Variants in LRIG1 observed in about 807,000 individuals in gnomAD.
LRIG1 encodes the protein leucine-rich repeats and immunoglobulin-like domains protein 1.
A neutral mutation model predicts 99.2 loss-of-function variants in LRIG1; 48 were observed. The observed-to-expected ratio is 0.48, with a 90% CI of 0.38 to 0.62. LRIG1 has a LOEUF of 0.62. LRIG1 is among the 20% of genes least tolerant of loss of function. LRIG1 has a pLI of 0.00. For synonymous variants in LRIG1, 772 were observed against 596.1 expected (o/e 1.29, Z -4.30); for missense variants, 1,646 against 1,434.4 (o/e 1.15, Z -2.38).
chr3:66,462,597 C>A (rs1366546098), intron 1 of LRIG1, 88 bp from the exon 2 acceptor site: 4 of 876,818 alleles, frequency 4.6e-6, no homozygotes, highest in South Asian at 1.4e-5. Flanking sequence ...CTGGCTCCCC[C>A]ACCCTCAAAT....
intron 3 of LRIG1, among the ~76,000 whole-genome samples, chr3:66,437,064 A>AT (rs1376150401): frequency 6.6e-6 from 1 of 152,050 alleles, no homozygotes; most frequent in African/African-American, 2.4e-5. Context: ...GCACTCCTTA[A>AT]TGTCATCTTT....
chr3:66,383,355 C>A lies in LRIG1; in HGVS notation c.2118G>T (p.Val706=), dbSNP rs1258400465. 1.3e-6 allele frequency: 2 copies of A among 1,585,072 alleles called. No individual in the cohort carries two copies. Among genetic ancestry groups the A allele is most frequent in the Admixed American group, 1.7e-5 (1 of 59,050 alleles). ...VVPLEDRVVS[V]GETVALQCKA... is the part of the protein sequence containing the mutation. Reference sequence around the variant, plus strand: ...TGCATTGGAGGGCCACTGTTTCTCCCACAGATACCACACGGTCTTCCAAGG... The same window carrying A: ...TGCATTGGAGGGCCACTGTTTCTCCAACAGATACCACACGGTCTTCCAAGG... Residue 706 remains valine (V), a synonymous_variant, in exon 15 of 19, where the codon GTG becomes GTT. Coordinates refer to ENST00000273261, the MANE Select transcript of LRIG1 (RefSeq NM_015541.3).
chr3:66,432,272 C>T (rs971667918), intron 3 of LRIG1, among the ~76,000 whole-genome samples: 10 of 152,184 alleles, frequency 6.6e-5, no homozygotes, highest in Non-Finnish European at 1.5e-4. Flanking sequence ...CTTCAAAGGG[C>T]CTTTGTAGCC....
chr3:66,403,305 A>C (rs2107995559), intron 9 of LRIG1, among the ~76,000 whole-genome samples: 1 of 152,302 alleles, frequency 6.6e-6, no homozygotes, highest in South Asian at 2.1e-4. Flanking sequence ...CACTTAAATA[A>C]GTGATTGCAT....
rs55651719 is a variant in LRIG1 at position 66,408,913 on chromosome 3, A to AGTGTGTGTGTGTGT, written c.935+1202_935+1215dup. Among the ~76,000 whole-genome samples the AGTGTGTGTGTGTGT allele has an allele frequency of 6.4e-3, 222 of 34,910 alleles. 16 individuals carry two copies. The highest frequency in any genetic ancestry group is 0.045 in the East Asian group (31 of 694). 22.9% of individuals were successfully genotyped at this position (34,910 alleles called of 152,430 possible). A position where few individuals can be genotyped will look rare whatever the true frequency, so the allele number is the denominator to read the frequency against. ...GTCACCAAAATATAAACTCCAAGTC[A>AGTGTGTGTGTGTGT]GTGTGTGTGTGTGTGTGTGTGTGTG... On this transcript the variant is annotated intron_variant, in intron 7 of 18. Transcript: ENST00000273261.
At position 66,380,022 on chromosome 3, in the gene LRIG1, T is replaced by A; in HGVS notation, c.*241A>T. ...ATTAAAATAGCCTCTGTAAAAGATATATATGAAATCTCTGAAAACTCTTAT... is the reference window on the plus strand; with the variant it reads ...ATTAAAATAGCCTCTGTAAAAGATAAATATGAAATCTCTGAAAACTCTTAT... On this transcript the variant is annotated 3_prime_UTR_variant, in exon 19 of 19. Transcript: ENST00000273261. 1 of 360,630 alleles carries A rather than the reference T, an allele frequency of 2.8e-6. No individual in the cohort carries two copies. Among genetic ancestry groups the A allele is most frequent in the Non-Finnish European group, 5.0e-6 (1 of 199,840 alleles). 22.3% of individuals were successfully genotyped at this position (360,630 alleles called of 1,614,324 possible).
Position 66,383,104 on chromosome 3 carries a change from C to G in LRIG1, c.2369G>C (p.Gly790Ala), listed in dbSNP as rs993398670. 6.2e-6 allele frequency: 10 copies of G among 1,614,112 alleles called. No homozygotes were observed. In the African/African-American group the frequency reaches 1.2e-4, roughly 19 times the overall value. The change falls in exon 15 of 19, where the codon GGG becomes GCG. Residue 790 changes from glycine (G) to alanine (A), a missense_variant. Transcript: ENST00000273261. Reference protein sequence around the residue: ...VLPAAGCRKDGTTVGIFTIAV... With the variant: ...VLPAAGCRKDATTVGIFTIAV... ...AATGGTGAAGATGCCTACCGTGGTC[C>G]CATCCTTCCTGCAGCCTGCTGCGGG...
At chr3:66,444,914 T>C (rs1384790410) in intron 3 of LRIG1, among the ~76,000 whole-genome samples, 2 of 151,570 alleles carry the variant, frequency 1.3e-5, no homozygotes, top group Non-Finnish European at 2.9e-5. Context: ...TATCTATCTA[T>C]ATACATATAT....
At chr3:66,406,489 A>G (rs1702273856) in intron 8 of LRIG1, 1 of 911,104 alleles carries the variant, frequency 1.1e-6, no homozygotes, top group African/African-American at 1.8e-5. Context: ...ATGGCTCCAC[A>G]TTAAAGCCGG....
At chr3:66,493,241 A>G (rs957243949) in intron 1 of LRIG1, among the ~76,000 whole-genome samples, 2 of 152,184 alleles carry the variant, frequency 1.3e-5, no homozygotes, top group African/African-American at 2.4e-5. Context: ...CTCAGTTTCA[A>G]TGAAACCCTG....
intron 6 of LRIG1, among the ~76,000 whole-genome samples, chr3:66,412,114 C>CA (rs1181039396): frequency 1.1e-4 from 16 of 152,266 alleles, no homozygotes. Context: ...ACCGTGCAGG[C>CA]AAGCCCCTTC....
intron 16 of LRIG1, 88 bp from the exon 17 acceptor site, chr3:66,381,719 C>T (rs145273719): frequency 3.5e-6 from 5 of 1,448,370 alleles, no homozygotes; most frequent in East Asian, 2.3e-5. Context: ...GCCGCTAGAA[C>T]AGTCATTTTT....
At chr3:66,417,603 C>G (rs1352317201) in intron 3 of LRIG1, 11 of 244,792 alleles carry the variant, frequency 4.5e-5, no homozygotes, top group East Asian at 2.1e-4. Context: ...GTGCCCTGTC[C>G]TGTGCAGCCA....
chr3:66,448,843 A>G (rs998820538), intron 3 of LRIG1, among the ~76,000 whole-genome samples: 14 of 152,194 alleles, frequency 9.2e-5, no homozygotes, highest in African/African-American at 3.1e-4. Flanking sequence ...ACTATTAACT[A>G]CCACATTTTC....
chr3:66,434,769 A>C (rs1271855993), intron 3 of LRIG1, among the ~76,000 whole-genome samples: 1 of 151,668 alleles, frequency 6.6e-6, no homozygotes, highest in Non-Finnish European at 1.5e-5. Flanking sequence ...AAAAAAAAAA[A>C]AAAAACACAC....
chr3:66,454,774 C>T (rs1401677941), intron 2 of LRIG1, among the ~76,000 whole-genome samples: 1 of 152,166 alleles, frequency 6.6e-6, no homozygotes, highest in African/African-American at 2.4e-5. Flanking sequence ...CAGCTTGGAC[C>T]TTCTGGTCCC....
At chr3:66,473,798 A>G (rs556791175) in intron 1 of LRIG1, among the ~76,000 whole-genome samples, 2 of 152,366 alleles carry the variant, frequency 1.3e-5, no homozygotes, top group African/African-American at 4.8e-5. Flanking sequence ...CGTCTGGCCC[A>G]CAGTGAAGTC....
intron 3 of LRIG1, among the ~76,000 whole-genome samples, chr3:66,446,723 T>G (rs1248182275): frequency 6.6e-6 from 1 of 152,062 alleles, no homozygotes; most frequent in African/African-American, 2.4e-5. Context: ...CCCTTTCATT[T>G]AATCACTTCT....
intron 3 of LRIG1, among the ~76,000 whole-genome samples, chr3:66,418,215 C>T (rs1348575080): frequency 6.6e-6 from 1 of 152,164 alleles, no homozygotes; most frequent in Non-Finnish European, 1.5e-5. Context: ...CCTCAGCCTC[C>T]CAGATCGCTG....
Sources: allele counts gnomAD v4.1 joint callset (sites outside exome capture counted in the v4.1 genomes callset), GRCh38; gene constraint gnomAD v4.1.1; transcripts MANE v1.5; gene names NCBI Gene and HGNC (gene_info 2026-07-23, HGNC 2026-07-21).